The following RPS12 variants were observed in gnomAD, a reference collection of about 807,000 sequenced individuals.
RPS12 encodes the protein ribosomal protein S12, also known as small ribosomal subunit protein eS12.
A neutral mutation model predicts 17.2 loss-of-function variants in RPS12; 1 was observed. That is an observed-to-expected ratio of 0.06 (90% CI 0.02 to 0.28). RPS12 has a LOEUF of 0.28. RPS12 is among the 10% of genes least tolerant of loss of function. The probability of loss-of-function intolerance (pLI) is 1.00; values close to 1 mark genes in which losing one functional copy is unlikely to be tolerated. For synonymous variants in RPS12, 67 were observed against 54.0 expected (o/e 1.24, Z -1.06); for missense variants, 146 against 162.1 (o/e 0.90, Z 0.54).
At chr6:132,815,241 C>T (rs1054912222) in intron 3 of RPS12, 153 bp downstream of exon 3, 4 of 746,968 alleles carry the variant, frequency 5.4e-6, no homozygotes, top group African/African-American at 1.7e-5. Context: ...GAACTCAGAT[C>T]TATAAAGCCC....
At chr6:132,815,396 T>A (rs777523071) in intron 3 of RPS12, 1 of 569,954 alleles carries the variant, frequency 1.8e-6, no homozygotes, top group Non-Finnish European at 3.4e-6. Context: ...GTTGTGGAGC[T>A]AGTCAGTCTT....
In RPS12 at chr6:132,815,011, A is replaced by G; in HGVS notation, c.54A>G (p.Leu18=). 1 of 1,613,760 alleles carries G rather than the reference A, an allele frequency of 6.2e-7. No individual in the cohort carries two copies. The highest frequency in any genetic ancestry group is 8.5e-7 in the Non-Finnish European group (1 of 1,179,698). The change falls in exon 3 of 6, where the codon TTA becomes TTG. Residue 18 remains leucine (L), a synonymous_variant. Transcript: ENST00000230050. ...GTGTAATGGACGTTAATACTGCTTT[A>G]CAAGAGGTTCTGAAGACTGCCCTCA... ...AGGVMDVNTA[L]QEVLKTALIH...
Position 132,817,443 on chromosome 6 carries a change from TAAC to T in RPS12, c.337-34_337-32del, listed in dbSNP as rs1782089162. The T allele has an allele frequency of 6.0e-6, 8 of 1,335,362 alleles. 1 individual carries two copies. In the Middle Eastern group the frequency reaches 7.3e-4, roughly 121 times the overall value. The allele number at this position is 1,335,362 out of a possible 1,614,324, so 82.7% of individuals were successfully genotyped here. Reference sequence around the variant, plus strand: ...ATAGCTTGGTGAAATTCCTAAATATTAACAAGAAATTGCATGCGTGTTTTGTTT... The same window carrying T: ...ATAGCTTGGTGAAATTCCTAAATATTAAGAAATTGCATGCGTGTTTTGTTT... On this transcript the variant is annotated intron_variant, in intron 5 of 5. Transcript: ENST00000230050.
At chr6:132,815,396 T>C (rs777523071) in intron 3 of RPS12, 1 of 569,954 alleles carries the variant, frequency 1.8e-6, no homozygotes, top group Non-Finnish European at 3.4e-6. Context: ...GTTGTGGAGC[T>C]AGTCAGTCTT....
intron 3 of RPS12, 102 bp downstream of exon 3, chr6:132,815,190 G>C (rs922551981): frequency 5.0e-6 from 4 of 796,686 alleles, no homozygotes; most frequent in Non-Finnish European, 8.9e-6. Flanking sequence ...CAAAAGTTCT[G>C]AATGGCATCC....
intron 3 of RPS12, chr6:132,815,344 C>T (rs747792937): frequency 3.0e-6 from 2 of 657,086 alleles, no homozygotes; most frequent in East Asian, 3.3e-5. Flanking sequence ...TACCCCTTCA[C>T]TCCTTTTATG....
chr6:132,815,724 G>GCATT, intron 3 of RPS12: 1 of 456,584 alleles, frequency 2.2e-6, no homozygotes, highest in Non-Finnish European at 4.4e-6. Context: ...GATGGAAACG[G>GCATT]CATTATTGTT....
intron 3 of RPS12, chr6:132,816,057 CTCCTGACCTCGGGTCA>C (rs1411265237): frequency 2.6e-6 from 1 of 383,010 alleles, no homozygotes; most frequent in East Asian, 7.2e-5. Context: ...TGGTCTGGTA[CTCCTGACCTCGGGTCA>C]TCTGCCCCCC....
At chr6:132,816,184 T>C (rs780325481) in intron 3 of RPS12, 2 of 518,252 alleles carry the variant, frequency 3.9e-6, no homozygotes, top group South Asian at 2.2e-5. Context: ...AAAGCTATTA[T>C]GGTTGGGTTT....
intron 2 of RPS12, 28 bp from the exon 3 acceptor site, chr6:132,814,944 C>A (rs536953841): frequency 6.7e-7 from 1 of 1,500,818 alleles, no homozygotes; most frequent in African/African-American, 1.4e-5. Flanking sequence ...AGGATTTTAA[C>A]TGATGGTTCT....
At position 132,814,593 on chromosome 6, in the gene RPS12, G is replaced by T; in HGVS notation, c.-58G>T. On this transcript the variant is annotated 5_prime_UTR_variant, in exon 1 of 6. Coordinates refer to ENST00000230050, the MANE Select transcript of RPS12 (RefSeq NM_001016.4). The stretch of plus-strand genomic sequence containing the variant: ...CCTCTTTCCCTGCCGCCGCCGAGTC[G>T]CGCGGAGGCGGAGGCTTGGGGTAAG... The T allele has an allele frequency of 1.2e-6, 1 of 805,838 alleles. No individual in the cohort carries two copies. Among genetic ancestry groups the T allele is most frequent in the Non-Finnish European group, 2.1e-6 (1 of 471,626 alleles). The allele number at this position is 805,838 out of a possible 1,614,324, so 49.9% of individuals were successfully genotyped here. A position where few individuals can be genotyped will look rare whatever the true frequency, so the allele number is the denominator to read the frequency against.
intron 3 of RPS12, 123 bp downstream of exon 3, chr6:132,815,211 A>C: frequency 1.3e-6 from 1 of 753,846 alleles, no homozygotes; most frequent in Admixed American, 1.9e-5. Context: ...GTCCTACCGG[A>C]AACCTAGGAA....
chr6:132,817,430 A>C, intron 5 of RPS12, 50 bp from the exon 6 acceptor site: 1 of 1,214,474 alleles, frequency 8.2e-7, no homozygotes, highest in Non-Finnish European at 1.2e-6. Flanking sequence ...AGCTTGGTGA[A>C]ATTCCTAAAT....
rs1782064013 is a variant in RPS12 at position 132,816,445 on chromosome 6, G to T, written c.132-16G>T. 6.3e-7 allele frequency: 1 copy of T among 1,587,316 alleles called. No individual in the cohort carries two copies. ...TCTGAGTTTTAGCTCCATTTTCATTGTAATTTGAATTTCAGGCGCCAAGCC... is the reference window on the plus strand; with the variant it reads ...TCTGAGTTTTAGCTCCATTTTCATTTTAATTTGAATTTCAGGCGCCAAGCC... On this transcript the variant is annotated splice_polypyrimidine_tract_variant and intron_variant, in intron 3 of 5. Transcript: ENST00000230050.
Position 132,815,178 on chromosome 6 carries a change from C to G in RPS12, c.131+90C>G. On this transcript the variant is annotated intron_variant, in intron 3 of 5. Transcript: ENST00000230050. ...GAAGGCATGGAGTTCATGGTGTTAGCGCAAAAGTTCTGAATGGCATCCGTC... is the reference window on the plus strand; with the variant it reads ...GAAGGCATGGAGTTCATGGTGTTAGGGCAAAAGTTCTGAATGGCATCCGTC... 3 of 854,166 alleles carry G rather than the reference C, an allele frequency of 3.5e-6. No individual in the cohort carries two copies. The South Asian group carries it at 4.1e-5, about 12-fold the overall frequency. The allele number at this position is 854,166 out of a possible 1,614,324, so 52.9% of individuals were successfully genotyped here.
At chr6:132,816,767 C>CT in intron 4 of RPS12, 193 bp from the exon 5 acceptor site, 1 of 769,558 alleles carries the variant, frequency 1.3e-6, no homozygotes, top group South Asian at 1.4e-5. Flanking sequence ...TGGTATACAA[C>CT]AAAGATTAGT....
At chr6:132,816,809 A>T (rs1037542742) in intron 4 of RPS12, 151 bp from the exon 5 acceptor site, 1 of 772,712 alleles carries the variant, frequency 1.3e-6, no homozygotes, top group Admixed American at 1.7e-5. Flanking sequence ...AGTGCTGTAC[A>T]TGATGACAAC....
Position 132,814,794 on chromosome 6 carries a change from G to A in RPS12, c.14+12G>A. ...ATGGCCGAGGAAGGGTGAGCCCAGG[G>A]GCCGGGGTTGGAGTTGGGGTCGGGG... On this transcript the variant is annotated intron_variant, in intron 2 of 5. Transcript: ENST00000230050. 1 of 1,612,586 alleles carries A rather than the reference G, an allele frequency of 6.2e-7. No individual in the cohort carries two copies. The highest frequency in any genetic ancestry group is 8.5e-7 in the Non-Finnish European group (1 of 1,178,758).
intron 3 of RPS12, chr6:132,815,337 C>T (rs543372077): frequency 3.0e-5 from 20 of 672,716 alleles, no homozygotes; most frequent in Admixed American, 1.4e-4. Flanking sequence ...TGTCGGATAC[C>T]CCTTCACTCC....
Sources: gnomAD v4.1 joint callset for allele counts on GRCh38, gnomAD v4.1.1 for gene constraint, MANE v1.5 for transcripts, NCBI Gene and HGNC (gene_info 2026-07-23, HGNC 2026-07-21) for gene names.